The following NECTIN1 variants were observed in gnomAD, a reference collection of about 807,000 sequenced individuals.
The protein encoded by NECTIN1 is nectin-1.
In NECTIN1, 23 loss-of-function variants were observed where a neutral mutation model predicts 48.0. The ratio of observed to expected loss-of-function variants is 0.48; its 90% CI spans 0.34 to 0.68. NECTIN1 has a LOEUF of 0.68. NECTIN1 is among the 30% of genes least tolerant of loss of function. The probability of loss-of-function intolerance (pLI) is 0.01; values close to 1 mark genes in which losing one functional copy is unlikely to be tolerated. For synonymous variants in NECTIN1, 270 were observed against 288.9 expected (o/e 0.93, Z 0.66); for missense variants, 591 against 709.9 (o/e 0.83, Z 1.90).
intron 1 of NECTIN1, among the ~76,000 whole-genome samples, chr11:119,726,423 G>A (rs1219186560): frequency 6.6e-6 from 1 of 152,194 alleles, no homozygotes; most frequent in East Asian, 1.9e-4. Flanking sequence ...TGGGCGGTCC[G>A]GGAACTTCGG....
chr11:119,714,000 C>A (rs573724881), intron 1 of NECTIN1: 78 of 384,772 alleles, frequency 2.0e-4, no homozygotes, highest in African/African-American at 6.7e-4. Flanking sequence ...AGTGGCCCCC[C>A]CCTTGGTATT....
chr11:119,649,379 C>CAAAAA (rs559894952), intron 5 of NECTIN1, among the ~76,000 whole-genome samples: 1 of 126,620 alleles, frequency 7.9e-6, no homozygotes, highest in East Asian at 2.2e-4. Context: ...GACTCCATCT[C>CAAAAA]AAAAAAAAAA....
At chr11:119,653,548 CAG>C (rs1864522620) in intron 5 of NECTIN1, among the ~76,000 whole-genome samples, 1 of 152,132 alleles carries the variant, frequency 6.6e-6, no homozygotes, top group African/African-American at 2.4e-5. Flanking sequence ...CGACGTCAAT[CAG>C]AGAGAAAATA....
chr11:119,716,218 A>C (rs1490908166), intron 1 of NECTIN1, among the ~76,000 whole-genome samples: 1 of 152,086 alleles, frequency 6.6e-6, no homozygotes, highest in African/African-American at 2.4e-5. Context: ...ACCCTGGAGA[A>C]GTCACAGGAG....
chr11:119,663,131 C>T lies in NECTIN1; in HGVS notation c.*1616G>A. Reference sequence around the variant, plus strand: ...CTCCTCCCCAACACTTGCCATCCTGCAGAGCCCCTGACACCCTGGGGTGAG... The same window carrying T: ...CTCCTCCCCAACACTTGCCATCCTGTAGAGCCCCTGACACCCTGGGGTGAG... On this transcript the variant is annotated 3_prime_UTR_variant, in exon 6 of 6. Transcript: ENST00000264025. 1 of 985,578 alleles carries T rather than the reference C, an allele frequency of 1.0e-6. No homozygotes were observed. Among genetic ancestry groups the T allele is most frequent in the Non-Finnish European group, 1.2e-6 (1 of 830,018 alleles). The allele number at this position is 985,578 out of a possible 1,614,324, so 61.1% of individuals were successfully genotyped here. A position where few individuals can be genotyped will look rare whatever the true frequency, so the allele number is the denominator to read the frequency against.
chr11:119,666,353 AAAG>A (rs1864770532), intron 5 of NECTIN1, among the ~76,000 whole-genome samples: 1 of 152,198 alleles, frequency 6.6e-6, no homozygotes, highest in Non-Finnish European at 1.5e-5. Context: ...GGAAAGGTGA[AAAG>A]AAGAGAAAGG....
At chr11:119,710,188 C>T (rs1046702409) in intron 1 of NECTIN1, among the ~76,000 whole-genome samples, 5 of 152,212 alleles carry the variant, frequency 3.3e-5, no homozygotes, top group Non-Finnish European at 7.3e-5. Flanking sequence ...CACGCACACA[C>T]GCGCACCCAA....
chr11:119,652,757 C>T (rs1864511618), intron 5 of NECTIN1, among the ~76,000 whole-genome samples: 1 of 152,190 alleles, frequency 6.6e-6, no homozygotes, highest in African/African-American at 2.4e-5. Flanking sequence ...CACAACCACT[C>T]TGGAACACTG....
chr11:119,661,337 C>T lies in NECTIN1; in HGVS notation c.*3410G>A. ...GGGACAGGGGCTCCTCCTGGCCTCA[C>T]AAGCTGGGCAGTGTTGGCAGCAGTG... On this transcript the variant is annotated 3_prime_UTR_variant, in exon 6 of 6. Transcript: ENST00000264025. 2.0e-6 allele frequency: 2 copies of T among 986,286 alleles called. No individual in the cohort carries two copies. The highest frequency in any genetic ancestry group is 2.4e-6 in the Non-Finnish European group (2 of 830,274). 61.1% of individuals were successfully genotyped at this position (986,286 alleles called of 1,614,324 possible).
At chr11:119,687,807 A>C (rs375710932) in intron 1 of NECTIN1, among the ~76,000 whole-genome samples, 4 of 152,186 alleles carry the variant, frequency 2.6e-5, no homozygotes, top group South Asian at 2.1e-4. Context: ...GCCTCATCCC[A>C]GGAGGGGCCT....
intron 4 of NECTIN1, 27 bp from the exon 5 acceptor site, chr11:119,675,337 G>C: frequency 6.2e-7 from 1 of 1,614,030 alleles, no homozygotes; most frequent in Non-Finnish European, 8.5e-7. Flanking sequence ...ACACAGCGTA[G>C]GGTTATGACT....
At chr11:119,652,037 A>G (rs956103928) in intron 5 of NECTIN1, among the ~76,000 whole-genome samples, 1 of 151,938 alleles carries the variant, frequency 6.6e-6, no homozygotes, top group Non-Finnish European at 1.5e-5. Flanking sequence ...TCGCCAGCAT[A>G]TTACCTCCCT....
At chr11:119,717,475 A>G (rs1865761628) in intron 1 of NECTIN1, among the ~76,000 whole-genome samples, 1 of 151,784 alleles carries the variant, frequency 6.6e-6, no homozygotes, top group South Asian at 2.1e-4. Context: ...CCCCTCCATC[A>G]TTCTGAGAGA....
intron 1 of NECTIN1, among the ~76,000 whole-genome samples, chr11:119,719,017 C>A (rs1374479551): frequency 6.6e-6 from 1 of 152,162 alleles, no homozygotes; most frequent in Non-Finnish European, 1.5e-5. Flanking sequence ...TATACAGTGG[C>A]TTTAATAATT....
chr11:119,644,958 C>T (rs1255557475), intron 5 of NECTIN1, among the ~76,000 whole-genome samples: 1 of 152,190 alleles, frequency 6.6e-6, no homozygotes, highest in African/African-American at 2.4e-5. Flanking sequence ...CCTGGGGACA[C>T]AGACACTACC....
chr11:119,677,501 A>T lies in NECTIN1; in HGVS notation c.733+54T>A, dbSNP rs1301982628. 9 of 1,571,862 alleles carry T rather than the reference A, an allele frequency of 5.7e-6. No individual in the cohort carries two copies. In the East Asian group the frequency reaches 2.0e-4, roughly 35 times the overall value. Reference sequence around the variant, plus strand: ...GGGAGGAGAAAGGAGAGGAGGAGGGAGGAGGGACAGTGGCGCCCACCCCAG... The same window carrying T: ...GGGAGGAGAAAGGAGAGGAGGAGGGTGGAGGGACAGTGGCGCCCACCCCAG... On this transcript the variant is annotated intron_variant, in intron 3 of 5. Transcript: ENST00000264025. This position sits in a 1 kb window ranked among gnomAD's most constrained non-coding sequence, Gnocchi z 5.4.
chr11:119,646,213 A>C (rs4938701), intron 5 of NECTIN1, among the ~76,000 whole-genome samples: 151,817 of 152,340 alleles, frequency 1, 75,647 homozygotes, highest in Middle Eastern at 1. Context: ...TTGAAGTCCC[A>C]TTCTTCAGAC....
intron 4 of NECTIN1, chr11:119,676,785 G>A (rs1374031641): frequency 2.4e-6 from 1 of 411,330 alleles, no homozygotes; most frequent in Non-Finnish European, 4.6e-6. Flanking sequence ...GGGGGTTGGG[G>A]TGGGAGTGAC....
At chr11:119,692,063 G>T (rs1865264081) in intron 1 of NECTIN1, among the ~76,000 whole-genome samples, 1 of 151,980 alleles carries the variant, frequency 6.6e-6, no homozygotes, top group Non-Finnish European at 1.5e-5. Context: ...CTCCCTCCCA[G>T]CATCCCCAGT....
Sources: allele counts gnomAD v4.1 joint callset (sites outside exome capture counted in the v4.1 genomes callset), GRCh38; gene constraint gnomAD v4.1.1; non-coding constraint Gnocchi (gnomAD v3.1); transcripts MANE v1.5; gene names NCBI Gene and HGNC (gene_info 2026-07-23, HGNC 2026-07-21).